Variants in MCC observed in about 807,000 individuals in gnomAD.
MCC encodes the protein colorectal mutant cancer protein.
In MCC, 90 loss-of-function variants were observed where a neutral mutation model predicts 116.2. The observed-to-expected ratio is 0.77, with a 90% CI of 0.65 to 0.92. MCC has a LOEUF of 0.92. Among genes scored for constraint, MCC ranks in the 40% least tolerant of loss-of-function variants. MCC has a pLI of 0.00. For synonymous variants in MCC, 578 were observed against 510.5 expected (o/e 1.13, Z -1.78); for missense variants, 1,516 against 1,312.2 (o/e 1.16, Z -2.40).
At chr5:113,117,722 A>G (rs568749871) in intron 6 of MCC, among the ~76,000 whole-genome samples, 1 of 152,388 alleles carries the variant, frequency 6.6e-6, no homozygotes, top group African/African-American at 2.4e-5. Context: ...AGGAAAGGAC[A>G]GCAAACATGC....
At position 113,208,198 on chromosome 5, in the gene MCC, G is replaced by A. The variant is rs535921492; in HGVS notation, c.628-56776C>T. ...TTTGAAAATGGGTTCTGCTACTGAA[G>A]ATATGTATCTTCAATACCTAACATA... On this transcript the variant is annotated intron_variant, in intron 3 of 18. Transcript: ENST00000408903. Among the ~76,000 whole-genome samples the A allele has an allele frequency of 6.6e-5, 10 of 152,220 alleles. No homozygotes were observed. The South Asian group carries it at 2.1e-3, about 32-fold the overall frequency.
chr5:113,171,795 T>C (rs1761085233), intron 3 of MCC, among the ~76,000 whole-genome samples: 2 of 152,180 alleles, frequency 1.3e-5, no homozygotes, highest in African/African-American at 2.4e-5. Flanking sequence ...GTGAGGTTTC[T>C]AGCTACGAAG....
intron 8 of MCC, among the ~76,000 whole-genome samples, chr5:113,099,849 T>C (rs1274148575): frequency 6.6e-6 from 1 of 152,210 alleles, no homozygotes; most frequent in Non-Finnish European, 1.5e-5. Flanking sequence ...TAAACCACAA[T>C]ATGTAATTAC....
At chr5:113,152,621 T>G (rs1304965963) in intron 3 of MCC, among the ~76,000 whole-genome samples, 1 of 152,180 alleles carries the variant, frequency 6.6e-6, no homozygotes, top group Non-Finnish European at 1.5e-5. Flanking sequence ...AAATGTGCTT[T>G]TCTGCAACCT....
intron 4 of MCC, among the ~76,000 whole-genome samples, chr5:113,144,428 A>G (rs866244671): frequency 6.6e-6 from 1 of 152,212 alleles, no homozygotes; most frequent in Non-Finnish European, 1.5e-5. Flanking sequence ...TTCATCTTCA[A>G]CAAGGTTTTC....
chr5:113,069,905 T>C (rs376728721), intron 12 of MCC, among the ~76,000 whole-genome samples: 7 of 152,226 alleles, frequency 4.6e-5, no homozygotes, highest in African/African-American at 1.4e-4. Context: ...TTTATTTTCA[T>C]TGTCCTTTAC....
chr5:113,043,603 G>C lies in MCC; in HGVS notation c.2683C>G (p.Leu895Val), dbSNP rs756454714. The stretch of plus-strand genomic sequence containing the variant: ...GTTGTCCTGAGTTCGGCTAGGGACA[G>C]AGCTGGGGAGGCAGCATCAGCACAC... The part of the protein sequence containing the change: ...KECADAASPA[L>V]SLAELRTTCS... Residue 895 changes from leucine to valine, a missense_variant, in exon 17 of 19, where the codon CTG becomes GTG. Physicochemically the swap from Leu to Val is conservative, Grantham distance 32 (BLOSUM62 1). Coordinates refer to ENST00000408903, the MANE Select transcript of MCC (RefSeq NM_001085377.2). 2 of 1,613,972 alleles carry C rather than the reference G, an allele frequency of 1.2e-6. No individual in the cohort carries two copies. The highest frequency in any genetic ancestry group is 8.5e-7 in the Non-Finnish European group (1 of 1,179,942).
intron 1 of MCC, among the ~76,000 whole-genome samples, chr5:113,459,814 T>G (rs1050702932): frequency 2.8e-5 from 3 of 105,650 alleles, no homozygotes; most frequent in African/African-American, 1.2e-4. Flanking sequence ...AGTCCTAGAA[T>G]CGCTATGGAA....
chr5:113,291,584 C>G (rs1766497956), intron 3 of MCC, among the ~76,000 whole-genome samples: 2 of 152,122 alleles, frequency 1.3e-5, no homozygotes, highest in African/African-American at 4.8e-5. Flanking sequence ...AAACATCAGG[C>G]TGAAACTGAC....
intron 13 of MCC, among the ~76,000 whole-genome samples, chr5:113,064,456 G>A (rs919853391): frequency 3.3e-5 from 5 of 152,168 alleles, no homozygotes; most frequent in Non-Finnish European, 5.9e-5. Flanking sequence ...GCTCTAACAC[G>A]CTCTGATTTT....
intron 7 of MCC, among the ~76,000 whole-genome samples, 154 bp downstream of exon 7, chr5:113,104,038 C>T (rs540822255): frequency 1.3e-5 from 2 of 151,764 alleles, no homozygotes; most frequent in Non-Finnish European, 2.9e-5. Flanking sequence ...TTTCTAGAGC[C>T]CCCGCTTCTA....
At chr5:113,317,234 G>A (rs1054590578) in intron 3 of MCC, among the ~76,000 whole-genome samples, 2 of 152,096 alleles carry the variant, frequency 1.3e-5, no homozygotes. Context: ...ACACACTTTA[G>A]CATATGAATT....
intron 16 of MCC, among the ~76,000 whole-genome samples, chr5:113,046,499 C>T (rs1018719090): frequency 6.6e-6 from 1 of 151,766 alleles, no homozygotes; most frequent in African/African-American, 2.4e-5. Flanking sequence ...GCCAAATTTC[C>T]TTACTTTGAA....
At chr5:113,206,050 C>A (rs1314055532) in intron 3 of MCC, among the ~76,000 whole-genome samples, 1 of 152,222 alleles carries the variant, frequency 6.6e-6, no homozygotes, top group Non-Finnish European at 1.5e-5. Context: ...ACAGCTACAC[C>A]ACTGGACAAC....
chr5:113,280,670 G>A (rs1324620147), intron 3 of MCC, among the ~76,000 whole-genome samples: 2 of 152,146 alleles, frequency 1.3e-5, no homozygotes, highest in African/African-American at 4.8e-5. Context: ...CAGGAAGAAG[G>A]GGCAGTATGA....
chr5:113,309,637 CA>C (rs1208631134), intron 3 of MCC, among the ~76,000 whole-genome samples: 1 of 152,162 alleles, frequency 6.6e-6, no homozygotes, highest in Non-Finnish European at 1.5e-5. Flanking sequence ...TGTTGATGCG[CA>C]CTTAGGTTTA....
intron 5 of MCC, among the ~76,000 whole-genome samples, chr5:113,132,465 C>T (rs201196949): frequency 0.52 from 69,494 of 133,480 alleles, 19,419 homozygotes; most frequent in East Asian, 0.75. Context: ...CACACACACA[C>T]ACACACACAC....
rs569523066 is a variant in MCC, at chr5:113,397,118, A to G, written c.171-11906T>C. On this transcript the variant is annotated intron_variant, in intron 1 of 18. Coordinates refer to ENST00000408903, the MANE Select transcript of MCC (RefSeq NM_001085377.2). ...AAGGTCAGCTGTAGTCTGGAAACACATGTGATAATAACATGAAGAGTTATG... is the reference window on the plus strand; with the variant it reads ...AAGGTCAGCTGTAGTCTGGAAACACGTGTGATAATAACATGAAGAGTTATG... 2.6e-5 allele frequency among the ~76,000 whole-genome samples: 4 copies of G among 152,360 alleles called. No individual in the cohort carries two copies. The East Asian group carries it at 7.7e-4, about 29-fold the overall frequency.
In MCC at chr5:113,090,934, T is replaced by G. The variant is rs146421361; in HGVS notation, c.1399-5624A>C. On this transcript the variant is annotated intron_variant, in intron 8 of 18. Transcript: ENST00000408903. ...GAAATGAGAAAGAAGGCTGAAGGAG[T>G]TGCCAGGAGGTGGTGCCACCGCAAG... is the stretch of plus-strand genomic sequence containing the variant. 1.4e-3 allele frequency among the ~76,000 whole-genome samples: 215 copies of G among 151,294 alleles called. 2 individuals carry two copies. Among genetic ancestry groups the G allele is most frequent in the Non-Finnish European group, 2.5e-3 (170 of 67,774 alleles).
Sources: gnomAD v4.1 joint callset for allele counts (sites outside exome capture counted in the v4.1 genomes callset) on GRCh38, gnomAD v4.1.1 for gene constraint, MANE v1.5 for transcripts, NCBI Gene and HGNC (gene_info 2026-07-23, HGNC 2026-07-21) for gene names.